RBFOX1: variants seen among roughly 807,000 people sequenced by gnomAD.
The protein encoded by RBFOX1 is RNA binding protein fox-1 homolog 1.
RBFOX1 carries 8 observed loss-of-function variants against 57.7 expected under a neutral mutation model. The observed-to-expected ratio is 0.14, with a 90% CI of 0.08 to 0.25. The LOEUF (loss-of-function observed/expected upper bound fraction) is 0.25, where lower values mean the gene tolerates loss of function less well. Among genes scored for constraint, RBFOX1 ranks in the 10% least tolerant of loss-of-function variants. The probability of loss-of-function intolerance (pLI) is 1.00; values close to 1 mark genes in which losing one functional copy is unlikely to be tolerated. For synonymous variants in RBFOX1, 326 were observed against 222.4 expected, an observed-to-expected ratio of 1.47 and a Z score of -4.15; for missense variants, 611 against 548.5, an observed-to-expected ratio of 1.11 and a Z score of -1.14.
chr16:6,746,857 A>G (rs1312859467), intron 3 of RBFOX1, among the ~76,000 whole-genome samples: 22 of 152,158 alleles, frequency 1.4e-4, no homozygotes, highest in Non-Finnish European at 2.9e-5. Flanking sequence ...TAAGCATAAC[A>G]ACTCAAATGT....
At chr16:5,403,723 G>A (rs1459249820) in intron 1 of RBFOX1, among the ~76,000 whole-genome samples, 6 of 152,162 alleles carry the variant, frequency 3.9e-5, no homozygotes, top group Admixed American at 2.0e-4. Context: ...TGGGGTTACA[G>A]GCATGAGCCA....
chr16:5,404,513 G>A (rs2066808781), intron 1 of RBFOX1, among the ~76,000 whole-genome samples: 1 of 152,152 alleles, frequency 6.6e-6, no homozygotes, highest in Non-Finnish European at 1.5e-5. Flanking sequence ...TCATTTATAT[G>A]CAAATTGAGT....
chr16:6,555,301 A>G (rs982363019), intron 2 of RBFOX1, among the ~76,000 whole-genome samples: 1 of 152,206 alleles, frequency 6.6e-6, no homozygotes, highest in Non-Finnish European at 1.5e-5. Flanking sequence ...GGCATGATCA[A>G]TAGTTATAAA....
In RBFOX1 at chr16:6,701,653, T is replaced by G. The variant is rs1452290376; in HGVS notation, c.-16+47003T>G. ...TCACATAAAGGCGTACGTACACCTG[T>G]GTTCATTACCCAGCACTATTCATAA... is the stretch of plus-strand genomic sequence containing the variant. On this transcript the variant is annotated intron_variant, in intron 3 of 15. Transcript: ENST00000550418. 2.0e-5 allele frequency among the ~76,000 whole-genome samples: 3 copies of G among 152,272 alleles called. No homozygotes were observed. The East Asian group carries it at 5.8e-4, about 29-fold the overall frequency.
rs1387232545 is a variant in RBFOX1 at position 7,537,686 on chromosome 16, G to A, written c.270+19297G>A. 2.6e-5 allele frequency among the ~76,000 whole-genome samples: 4 copies of A among 152,158 alleles called. No individual in the cohort carries two copies. The East Asian group carries it at 7.7e-4, about 29-fold the overall frequency. ...GAATCAGGAAATGGTGGCTTCTAAC[G>A]TGATTTCATCCAGGCCCTTATGCTT... On this transcript the variant is annotated intron_variant, in intron 5 of 15. Coordinates refer to ENST00000550418, the MANE Select transcript of RBFOX1 (RefSeq NM_018723.4).
chr16:7,306,757 C>T (rs1181532287), intron 4 of RBFOX1, among the ~76,000 whole-genome samples: 2 of 152,192 alleles, frequency 1.3e-5, no homozygotes, highest in Non-Finnish European at 2.9e-5. Context: ...CTGGCCATTA[C>T]TGTCGTGATA....
At chr16:5,317,028 C>G (rs755041146) in intron 1 of RBFOX1, among the ~76,000 whole-genome samples, 3 of 152,134 alleles carry the variant, frequency 2.0e-5, no homozygotes, top group Non-Finnish European at 4.4e-5. Flanking sequence ...GGTTCTGGAG[C>G]CTTTGGGCTC....
chr16:6,525,333 A>G (rs2096563584), intron 2 of RBFOX1, among the ~76,000 whole-genome samples: 1 of 152,186 alleles, frequency 6.6e-6, no homozygotes, highest in Non-Finnish European at 1.5e-5. Flanking sequence ...GAAGTGCTTG[A>G]TGAATTTGGG....
intron 4 of RBFOX1, among the ~76,000 whole-genome samples, chr16:7,194,407 C>G (rs553660337): frequency 1.5e-3 from 230 of 152,266 alleles, no homozygotes; most frequent in Non-Finnish European, 2.3e-3. Context: ...AGATACTAAG[C>G]AGCTGACAAT....
At chr16:7,399,219 A>T (rs187839289) in intron 4 of RBFOX1, among the ~76,000 whole-genome samples, 2 of 152,236 alleles carry the variant, frequency 1.3e-5, no homozygotes, top group South Asian at 4.1e-4. Flanking sequence ...AGGCCGAAGC[A>T]GGTGGATTAC....
chr16:6,259,065 T>G (rs1337225479), intron 1 of RBFOX1, among the ~76,000 whole-genome samples: 1 of 152,194 alleles, frequency 6.6e-6, no homozygotes, highest in Non-Finnish European at 1.5e-5. Context: ...TGACAGGGTA[T>G]TCGGTATTTA....
intron 4 of RBFOX1, among the ~76,000 whole-genome samples, chr16:7,289,111 T>C (rs1455267338): frequency 6.6e-6 from 1 of 152,212 alleles, no homozygotes; most frequent in Non-Finnish European, 1.5e-5. Flanking sequence ...CTGCCTGCTG[T>C]ATCAGAGAGC....
rs370154816 is a variant in RBFOX1, at chr16:6,809,013, C to A, written c.-16+154363C>A. 3.5e-4 allele frequency among the ~76,000 whole-genome samples: 54 copies of A among 152,322 alleles called. 3 individuals are homozygous for A. The South Asian group carries it at 5.8e-3, about 16-fold the overall frequency. ...TTAATAGACAAGACTGAAAACCTGA[C>A]TTAGGAGTATGCACCTGTAACAATA... On this transcript the variant is annotated intron_variant, in intron 3 of 15. Transcript: ENST00000550418.
intron 3 of RBFOX1, among the ~76,000 whole-genome samples, chr16:5,718,419 T>C (rs1308783071): frequency 2.6e-5 from 4 of 152,130 alleles, no homozygotes; most frequent in Admixed American, 6.5e-5. Flanking sequence ...CCACTGAGTT[T>C]TGGTGTGGTT....
At chr16:6,020,034 C>A in intron 1 of RBFOX1, 42 bp downstream of exon 1, 3 of 1,446,934 alleles carry the variant, frequency 2.1e-6, no homozygotes, top group Non-Finnish European at 2.7e-6. Flanking sequence ...CCACCCTGAC[C>A]TGGTGGGTCA....
intron 1 of RBFOX1, among the ~76,000 whole-genome samples, chr16:6,251,088 A>G (rs1277044219): frequency 6.6e-6 from 1 of 152,166 alleles, no homozygotes; most frequent in Non-Finnish European, 1.5e-5. Context: ...AGAGCTTGTC[A>G]TGATATAGCC....
chr16:6,798,469 G>T (rs1207271477), intron 3 of RBFOX1, among the ~76,000 whole-genome samples: 2 of 152,108 alleles, frequency 1.3e-5, no homozygotes, highest in Non-Finnish European at 2.9e-5. Flanking sequence ...ATTCAGAATG[G>T]CAGGGAGCTG....
At chr16:6,696,097 G>T (rs750476022) in intron 3 of RBFOX1, among the ~76,000 whole-genome samples, 1 of 152,124 alleles carries the variant, frequency 6.6e-6, no homozygotes, top group South Asian at 2.1e-4. Flanking sequence ...TAAATTACAG[G>T]TAGAATACAC....
At chr16:6,354,499 G>A (rs916301458) in intron 2 of RBFOX1, among the ~76,000 whole-genome samples, 1 of 152,118 alleles carries the variant, frequency 6.6e-6, no homozygotes, top group South Asian at 2.1e-4. Flanking sequence ...CTGACTGATA[G>A]CTTCAGAGGC....
Sources: gnomAD v4.1 joint callset for allele counts (sites outside exome capture counted in the v4.1 genomes callset) on GRCh38, gnomAD v4.1.1 for gene constraint, MANE v1.5 for transcripts, NCBI Gene and HGNC (gene_info 2026-07-23, HGNC 2026-07-21) for gene names.